Variants in UGGT2 observed in about 807,000 individuals in gnomAD.
UGGT2 encodes UDP-glucose:glycoprotein glucosyltransferase 2.
In UGGT2, 180 loss-of-function variants were observed where a neutral mutation model predicts 192.1. That is an observed-to-expected ratio of 0.94 (90% CI 0.83 to 1.06). The LOEUF is 1.06. Among genes scored for constraint, UGGT2 ranks in the 50% least tolerant of loss-of-function variants. UGGT2 has a pLI of 0.00. For synonymous variants in UGGT2, 580 were observed against 591.0 expected, an observed-to-expected ratio of 0.98 and a Z score of 0.27; for missense variants, 1,849 against 1,795.7, an observed-to-expected ratio of 1.03 and a Z score of -0.54.
chr13:96,014,335 G>A (rs1168416157), intron 4 of UGGT2, among the ~76,000 whole-genome samples: 1 of 152,128 alleles, frequency 6.6e-6, no homozygotes, highest in African/African-American at 2.4e-5. Context: ...AAGAAAAAAG[G>A]TATGAGTAAC....
intron 36 of UGGT2, among the ~76,000 whole-genome samples, chr13:95,846,554 C>T (rs1480009427): frequency 6.6e-6 from 1 of 152,104 alleles, no homozygotes; most frequent in Non-Finnish European, 1.5e-5. Flanking sequence ...CTTATAATAT[C>T]TTTGGTCTTC....
Position 95,923,035 on chromosome 13 carries a change from C to T in UGGT2, c.2295+2645G>A, listed in dbSNP as rs191714983. On this transcript the variant is annotated intron_variant, in intron 20 of 38. Coordinates refer to ENST00000376747, the MANE Select transcript of UGGT2 (RefSeq NM_020121.4). The stretch of plus-strand genomic sequence containing the variant: ...CGGGAGTCTAAAAATGTTAACAACC[C>T]TTATATTCAGTACGTTCTTTTCTTC... Among the ~76,000 whole-genome samples, 23 of 152,068 alleles carry T rather than the reference C, an allele frequency of 1.5e-4. No individual in the cohort carries two copies. The East Asian group carries it at 3.5e-3, about 23-fold the overall frequency.
chr13:95,852,740 A>C (rs1457258109), intron 36 of UGGT2, among the ~76,000 whole-genome samples: 2 of 152,222 alleles, frequency 1.3e-5, no homozygotes, highest in African/African-American at 4.8e-5. Flanking sequence ...TTCAGATGCA[A>C]TAATGAGGAA....
At chr13:95,869,546 G>A (rs1232526631) in intron 29 of UGGT2, among the ~76,000 whole-genome samples, 1 of 152,122 alleles carries the variant, frequency 6.6e-6, no homozygotes, top group Non-Finnish European at 1.5e-5. Context: ...CTCAGGCACT[G>A]TTTTAAGCAC....
At chr13:95,861,584 C>A (rs1360773892) in intron 31 of UGGT2, among the ~76,000 whole-genome samples, 3 of 152,112 alleles carry the variant, frequency 2.0e-5, no homozygotes, top group Non-Finnish European at 4.4e-5. Context: ...ATAAAAATGA[C>A]TGAATCTTCT....
intron 38 of UGGT2, chr13:95,809,640 G>T: frequency 4.7e-6 from 1 of 211,960 alleles, no homozygotes; most frequent in Non-Finnish European, 1.0e-5. Flanking sequence ...TGTGCCAAGT[G>T]CCTGCAGGCT....
intron 13 of UGGT2, among the ~76,000 whole-genome samples, chr13:95,948,581 A>C (rs1332074927): frequency 1.3e-5 from 2 of 152,186 alleles, no homozygotes; most frequent in Non-Finnish European, 2.9e-5. Context: ...TCCAATATTA[A>C]TGTTTAGATA....
chr13:95,929,173 G>A (rs1168532961), intron 17 of UGGT2, among the ~76,000 whole-genome samples: 1 of 152,206 alleles, frequency 6.6e-6, no homozygotes, highest in Non-Finnish European at 1.5e-5. Context: ...TGGCATCAGA[G>A]GGAGATGAGG....
rs1888125285 is a variant in UGGT2, at chr13:95,843,903, TC to T, written c.4285-6702del. 2.6e-5 allele frequency among the ~76,000 whole-genome samples: 4 copies of T among 152,142 alleles called. No individual in the cohort carries two copies. In the South Asian group the frequency reaches 8.3e-4, roughly 31 times the overall value. ...ATGTCTTAAAACAAGGTGGTATAAG[TC>T]CTTTAACTTTCTTATTTTTCAAAGT... On this transcript the variant is annotated intron_variant, in intron 36 of 38. Transcript: ENST00000376747.
chr13:95,967,454 C>T (rs1304843394), intron 12 of UGGT2, among the ~76,000 whole-genome samples: 1 of 147,878 alleles, frequency 6.8e-6, no homozygotes, highest in African/African-American at 2.5e-5. Flanking sequence ...GCCCAGCCCC[C>T]ACGCGCACCC....
chr13:95,869,439 T>C (rs1891024107), intron 29 of UGGT2, among the ~76,000 whole-genome samples: 1 of 152,186 alleles, frequency 6.6e-6, no homozygotes, highest in South Asian at 2.1e-4. Flanking sequence ...TATTTCTAGT[T>C]CTAGATCCCT....
intron 37 of UGGT2, 92 bp downstream of exon 37, chr13:95,836,994 G>T: frequency 1.0e-6 from 1 of 976,030 alleles, no homozygotes; most frequent in Non-Finnish European, 1.6e-6. Context: ...GAAGTAATAC[G>T]TATGCCACTC....
chr13:95,921,964 A>C (rs946419171), intron 20 of UGGT2, among the ~76,000 whole-genome samples: 1 of 152,232 alleles, frequency 6.6e-6, no homozygotes, highest in African/African-American at 2.4e-5. Context: ...CTACCAAAAA[A>C]GACACCTGCA....
chr13:95,931,047 C>G (rs968634364), intron 17 of UGGT2, among the ~76,000 whole-genome samples: 2 of 152,170 alleles, frequency 1.3e-5, no homozygotes, highest in Non-Finnish European at 2.9e-5. Context: ...CCTTATCTGG[C>G]CCCACCCACA....
intron 16 of UGGT2, 130 bp from the exon 17 acceptor site, chr13:95,937,218 T>C: frequency 9.1e-7 from 1 of 1,094,752 alleles, no homozygotes; most frequent in Non-Finnish European, 1.3e-6. Context: ...ACTTTATCTG[T>C]CCTTTCCAAA....
At chr13:95,882,302 T>A (rs2047518212) in intron 27 of UGGT2, among the ~76,000 whole-genome samples, 1 of 152,208 alleles carries the variant, frequency 6.6e-6, no homozygotes, top group South Asian at 2.1e-4. Flanking sequence ...AACAAAGTCC[T>A]GCCAAGGGAG....
At position 95,967,131 on chromosome 13, in the gene UGGT2, G is replaced by A. The variant is rs977200195; in HGVS notation, c.1335+2981C>T. ...GAAATTACTAGACAAACTATGTATC[G>A]TTATAAGGGCACCACAGGCATAACC... On this transcript the variant is annotated intron_variant, in intron 12 of 38. Coordinates refer to ENST00000376747, the MANE Select transcript of UGGT2 (RefSeq NM_020121.4). Among the ~76,000 whole-genome samples the A allele has an allele frequency of 4.0e-5, 6 of 149,124 alleles. No individual in the cohort carries two copies. In the South Asian group the frequency reaches 8.5e-4, roughly 21 times the overall value.
chr13:95,888,520 A>G (rs954052519), intron 25 of UGGT2, among the ~76,000 whole-genome samples: 1 of 152,202 alleles, frequency 6.6e-6, no homozygotes, highest in African/African-American at 2.4e-5. Flanking sequence ...CAAATGATAT[A>G]GGTAAAGGGA....
Position 95,997,189 on chromosome 13 carries a change from G to A in UGGT2, c.758-1054C>T, listed in dbSNP as rs151222581. Among the ~76,000 whole-genome samples the A allele has an allele frequency of 8.5e-5, 13 of 152,112 alleles. 1 individual carries two copies. The East Asian group carries it at 2.3e-3, about 27-fold the overall frequency. ...AACATTTATTGACTGCTTACTATGA[G>A]GTGTCTATGACAGGATAGACACCAA... On this transcript the variant is annotated intron_variant, in intron 6 of 38. Transcript: ENST00000376747.
Sources: allele counts gnomAD v4.1 joint callset (sites outside exome capture counted in the v4.1 genomes callset), GRCh38; gene constraint gnomAD v4.1.1; transcripts MANE v1.5; gene names NCBI Gene and HGNC (gene_info 2026-07-23, HGNC 2026-07-21).